Variants in CDH18 observed in about 807,000 individuals in gnomAD.
CDH18 encodes cadherin-18.
Under a neutral mutation model 67.9 loss-of-function variants are expected in CDH18, and 31 were observed. That is an observed-to-expected ratio of 0.46 (90% CI 0.34 to 0.62). The LOEUF (loss-of-function observed/expected upper bound fraction) is 0.62, where lower values mean the gene tolerates loss of function less well. CDH18 is among the 20% of genes least tolerant of loss of function. The probability of loss-of-function intolerance (pLI) is 0.01; values close to 1 mark genes in which losing one functional copy is unlikely to be tolerated. For missense variants in CDH18, 890 were observed against 975.5 expected, an observed-to-expected ratio of 0.91 and a Z score of 1.17; for synonymous variants, 362 against 347.2, an observed-to-expected ratio of 1.04 and a Z score of -0.48.
chr5:20,410,563 C>A (rs1746680691), intron 1 of CDH18, among the ~76,000 whole-genome samples: 1 of 151,536 alleles, frequency 6.6e-6, no homozygotes, highest in Non-Finnish European at 1.5e-5. Context: ...AGGGTGAAAA[C>A]TTGAAAGCTA....
intron 2 of CDH18, among the ~76,000 whole-genome samples, chr5:20,003,585 C>G (rs771323319): frequency 1.8e-4 from 27 of 152,078 alleles, no homozygotes; most frequent in Non-Finnish European, 3.8e-4. Context: ...GATTTTATAT[C>G]AATTTTATTT....
chr5:20,437,631 A>G (rs956758511), intron 1 of CDH18, among the ~76,000 whole-genome samples: 1 of 151,444 alleles, frequency 6.6e-6, no homozygotes, highest in African/African-American at 2.4e-5. Context: ...ATGTTCTCCA[A>G]GTGAATAGCC....
chr5:19,772,448 A>G (rs1773839742), intron 3 of CDH18, among the ~76,000 whole-genome samples: 1 of 152,124 alleles, frequency 6.6e-6, no homozygotes, highest in Non-Finnish European at 1.5e-5. Flanking sequence ...ATGTTATAAT[A>G]CTTGCTTTAA....
chr5:20,393,980 C>T (rs980480167), intron 1 of CDH18, among the ~76,000 whole-genome samples: 1 of 152,006 alleles, frequency 6.6e-6, no homozygotes, highest in Non-Finnish European at 1.5e-5. Context: ...AATGACCATA[C>T]TGCCCAAAGC....
chr5:19,811,878 T>C (rs775640729), intron 3 of CDH18, among the ~76,000 whole-genome samples: 2 of 151,736 alleles, frequency 1.3e-5, no homozygotes, highest in Non-Finnish European at 2.9e-5. Context: ...CCATTCAAGA[T>C]CAAATACAAA....
intron 2 of CDH18, among the ~76,000 whole-genome samples, chr5:20,139,471 C>G (rs1488778135): frequency 1.3e-5 from 2 of 152,132 alleles, no homozygotes; most frequent in East Asian, 1.9e-4. Context: ...CAAATGGGAT[C>G]TAAGTAAACT....
At chr5:20,551,569 T>G (rs199840448) in intron 1 of CDH18, among the ~76,000 whole-genome samples, 1 of 151,606 alleles carries the variant, frequency 6.6e-6, no homozygotes. Context: ...AGCTGATCTC[T>G]GTTAATCAAT....
chr5:20,208,982 CAAG>C (rs1377167550), intron 2 of CDH18, among the ~76,000 whole-genome samples: 1 of 151,948 alleles, frequency 6.6e-6, no homozygotes, highest in Non-Finnish European at 1.5e-5. Context: ...CAAGTGGCAA[CAAG>C]AATATGAGAA....
intron 2 of CDH18, among the ~76,000 whole-genome samples, chr5:19,953,615 T>G (rs562289720): frequency 1.3e-5 from 2 of 152,198 alleles, no homozygotes; most frequent in Non-Finnish European, 2.9e-5. Flanking sequence ...CATGTTTATC[T>G]GCCAGAAAAA....
At chr5:19,695,299 T>A (rs1253624030) in intron 5 of CDH18, among the ~76,000 whole-genome samples, 3 of 152,204 alleles carry the variant, frequency 2.0e-5, no homozygotes, top group African/African-American at 4.8e-5. Flanking sequence ...CACATTAAGG[T>A]CATAAATTGT....
rs551173644 is a variant in CDH18 at position 20,340,743 on chromosome 5, G to A, written c.-579-85238C>T. ...TGAACTTCCTTCTGGACACTGGAGT[G>A]AGCCTTTCTGATCTCCCCTCCAATC... On this transcript the variant is annotated intron_variant, in intron 1 of 14. Transcript: ENST00000507958. 6.6e-5 allele frequency among the ~76,000 whole-genome samples: 10 copies of A among 152,270 alleles called. 1 individual carries two copies. The South Asian group carries it at 2.1e-3, about 32-fold the overall frequency.
chr5:20,564,593 C>G (rs890902292), intron 1 of CDH18, among the ~76,000 whole-genome samples: 8 of 152,134 alleles, frequency 5.3e-5, no homozygotes, highest in African/African-American at 1.9e-4. Flanking sequence ...GCTCTGGAAT[C>G]TCTTTTCAGG....
intron 1 of CDH18, among the ~76,000 whole-genome samples, chr5:20,561,445 A>G (rs1219408469): frequency 6.6e-6 from 1 of 152,094 alleles, no homozygotes; most frequent in Non-Finnish European, 1.5e-5. Flanking sequence ...GAGCTATCAA[A>G]CCAAAAAGAC....
intron 3 of CDH18, among the ~76,000 whole-genome samples, chr5:19,811,922 G>GTTTCTGTA: frequency 6.6e-6 from 1 of 152,100 alleles, no homozygotes; most frequent in South Asian, 2.1e-4. Flanking sequence ...TAAACAATAA[G>GTTTCTGTA]GAAATCAAAC....
At chr5:20,334,769 C>CAT (rs1246270501) in intron 1 of CDH18, among the ~76,000 whole-genome samples, 5 of 151,502 alleles carry the variant, frequency 3.3e-5, no homozygotes, top group Non-Finnish European at 7.4e-5. Flanking sequence ...CACACACACA[C>CAT]ACACACACAC....
intron 1 of CDH18, among the ~76,000 whole-genome samples, chr5:20,295,068 A>T (rs534158318): frequency 6.6e-6 from 1 of 152,184 alleles, no homozygotes; most frequent in Admixed American, 6.5e-5. Context: ...TAAATGTCAC[A>T]ATTAAAGTTT....
intron 3 of CDH18, among the ~76,000 whole-genome samples, chr5:19,764,302 G>T (rs751483558): frequency 3.3e-5 from 5 of 151,960 alleles, no homozygotes; most frequent in Non-Finnish European, 5.9e-5. Flanking sequence ...AAGGAAATAT[G>T]AATGATTATT....
intron 1 of CDH18, among the ~76,000 whole-genome samples, chr5:20,259,256 A>G (rs1744469306): frequency 6.6e-6 from 1 of 152,152 alleles, no homozygotes; most frequent in Admixed American, 6.5e-5. Context: ...TGAAAACTAG[A>G]AGAGAGATGG....
intron 5 of CDH18, among the ~76,000 whole-genome samples, chr5:19,683,666 T>C (rs925476245): frequency 2.6e-5 from 4 of 152,080 alleles, no homozygotes; most frequent in African/African-American, 9.7e-5. Flanking sequence ...GTGGTAGTTA[T>C]TAAAATTATT....
Sources: gnomAD v4.1 joint callset for allele counts (sites outside exome capture counted in the v4.1 genomes callset) on GRCh38, gnomAD v4.1.1 for gene constraint, MANE v1.5 for transcripts, NCBI Gene and HGNC (gene_info 2026-07-23, HGNC 2026-07-21) for gene names.